The following LYRM4 variants were observed in gnomAD, a reference collection of about 807,000 sequenced individuals.
The protein encoded by LYRM4 is LYR motif containing 4.
In LYRM4, 9 loss-of-function variants were observed where a neutral mutation model predicts 11.7. The ratio of observed to expected loss-of-function variants is 0.77; its 90% CI spans 0.46 to 1.34. LYRM4 has a LOEUF of 1.34. LYRM4 is among the 40% of genes most tolerant of loss of function. LYRM4 has a pLI of 0.00. For missense variants in LYRM4, 133 were observed against 112.5 expected, an observed-to-expected ratio of 1.18 and a Z score of -0.82; for synonymous variants, 42 against 40.4, an observed-to-expected ratio of 1.04 and a Z score of -0.15.
intron 2 of LYRM4, among the ~76,000 whole-genome samples, chr6:5,214,220 A>G (rs1762136335): frequency 6.6e-6 from 1 of 152,022 alleles, no homozygotes; most frequent in Non-Finnish European, 1.5e-5. Context: ...GCGGAGAGAG[A>G]GAGAATCTGT....
intron 1 of LYRM4, among the ~76,000 whole-genome samples, chr6:5,234,229 T>G (rs994477475): frequency 1.3e-5 from 2 of 152,224 alleles, no homozygotes; most frequent in African/African-American, 4.8e-5. Flanking sequence ...CACTATTATT[T>G]AAATTATTTA....
intron 2 of LYRM4, among the ~76,000 whole-genome samples, chr6:5,151,872 T>C (rs909736725): frequency 6.6e-6 from 1 of 152,178 alleles, no homozygotes; most frequent in African/African-American, 2.4e-5. Context: ...AGATAAGTTT[T>C]TCCTTGTTCT....
At position 5,130,666 on chromosome 6, in the gene LYRM4, GA is replaced by G. The variant is rs576004012; in HGVS notation, c.208-21176del. ...AAGTGGTACACAGCAAGAGCACTCA[GA>G]GACTCGGGAAAAACAACTAGTCAGC... On this transcript the variant is annotated intron_variant, in intron 2 of 2. Transcript: ENST00000330636. 3.1e-4 allele frequency among the ~76,000 whole-genome samples: 47 copies of G among 152,290 alleles called. 1 individual carries two copies. The highest frequency in any genetic ancestry group is 2.8e-3 in the Admixed American group (43 of 15,294).
At chr6:5,111,393 C>T (rs888394217) in intron 2 of LYRM4, among the ~76,000 whole-genome samples, 10 of 152,204 alleles carry the variant, frequency 6.6e-5, no homozygotes, top group Non-Finnish European at 1.5e-4. Context: ...GAGTACTTGA[C>T]AGAGTTTACC....
At chr6:5,253,764 C>T (rs919140759) in intron 1 of LYRM4, among the ~76,000 whole-genome samples, 3 of 150,382 alleles carry the variant, frequency 2.0e-5, no homozygotes, top group Non-Finnish European at 4.4e-5. Context: ...GTTGACCATT[C>T]GATGGTCGTT....
At chr6:5,214,260 T>C (rs1219740514) in intron 2 of LYRM4, among the ~76,000 whole-genome samples, 1 of 151,844 alleles carries the variant, frequency 6.6e-6, no homozygotes, top group East Asian at 2.1e-4. Context: ...GGGGGGCCCC[T>C]ATGGGAAGGT....
chr6:5,163,506 T>A (rs995613470), intron 2 of LYRM4, among the ~76,000 whole-genome samples: 7 of 152,116 alleles, frequency 4.6e-5, no homozygotes, highest in Admixed American at 1.3e-4. Flanking sequence ...AACTTTTTTT[T>A]TTTTTTTTTA....
At chr6:5,091,168 G>A in the LYRM4 span, among the ~76,000 whole-genome samples, 1 of 152,194 alleles carries the variant, frequency 6.6e-6, no homozygotes, top group South Asian at 2.1e-4. Context: ...GGACCCGATG[G>A]ACTCCTGGAA....
chr6:5,174,549 TCTC>T (rs1230440857), intron 2 of LYRM4, among the ~76,000 whole-genome samples: 1 of 152,202 alleles, frequency 6.6e-6, no homozygotes, highest in Non-Finnish European at 1.5e-5. Flanking sequence ...GGACCTTTCT[TCTC>T]AGAGGAAGGA....
intron 1 of LYRM4, among the ~76,000 whole-genome samples, chr6:5,257,165 GC>G (rs1197844886): frequency 6.6e-6 from 1 of 152,110 alleles, no homozygotes; most frequent in Non-Finnish European, 1.5e-5. Context: ...CTGCCTGTGA[GC>G]TAAGGGTAAA....
chr6:5,227,724 G>A (rs1762974499), intron 1 of LYRM4, among the ~76,000 whole-genome samples: 1 of 152,116 alleles, frequency 6.6e-6, no homozygotes, highest in Admixed American at 6.5e-5. Flanking sequence ...GCAAAGACTT[G>A]GAACCAACCC....
chr6:5,183,457 G>T lies in LYRM4; in HGVS notation c.207+33161C>A, dbSNP rs369957576. ...AATGGTAACTGCTATTATTATTATA[G>T]CCATAATCATATACAGTATAGCAAA... On this transcript the variant is annotated intron_variant, in intron 2 of 2. Transcript: ENST00000330636. Among the ~76,000 whole-genome samples, 10 of 152,206 alleles carry T rather than the reference G, an allele frequency of 6.6e-5. No individual in the cohort carries two copies. In the East Asian group the frequency reaches 1.9e-3, roughly 29 times the overall value.
At chr6:5,114,239 C>A (rs1164127059) in intron 2 of LYRM4, among the ~76,000 whole-genome samples, 1 of 152,212 alleles carries the variant, frequency 6.6e-6, no homozygotes, top group Non-Finnish European at 1.5e-5. Context: ...GATATGGGAG[C>A]TACACGCTAA....
At chr6:5,128,539 T>C (rs1291189224) in intron 2 of LYRM4, among the ~76,000 whole-genome samples, 1 of 152,230 alleles carries the variant, frequency 6.6e-6, no homozygotes, top group African/African-American at 2.4e-5. Flanking sequence ...CTTTAACTTC[T>C]TCCTCTTCAG....
At chr6:5,078,494 C>T in the LYRM4 span, among the ~76,000 whole-genome samples, 2 of 152,158 alleles carry the variant, frequency 1.3e-5, no homozygotes, top group East Asian at 1.9e-4. Context: ...GTTTAGTACA[C>T]GGTGACCAGT....
In LYRM4 at chr6:5,173,158, T is replaced by C. The variant is rs1429553090; in HGVS notation, c.207+43460A>G. 2.0e-5 allele frequency among the ~76,000 whole-genome samples: 3 copies of C among 152,264 alleles called. No homozygotes were observed. The South Asian group carries it at 6.2e-4, about 31-fold the overall frequency. On this transcript the variant is annotated intron_variant, in intron 2 of 2. Coordinates refer to ENST00000330636, the MANE Select transcript of LYRM4 (RefSeq NM_020408.6). ...TGCAGACATGTAATAGAATATTTTA[T>C]GGCTGTTTTCAACCATCTGTCCTTC...
chr6:5,171,273 C>T lies in LYRM4; in HGVS notation c.207+45345G>A, dbSNP rs1455838881. On this transcript the variant is annotated intron_variant, in intron 2 of 2. Coordinates refer to ENST00000330636, the MANE Select transcript of LYRM4 (RefSeq NM_020408.6). The stretch of plus-strand genomic sequence containing the variant: ...AACCAAACCCCTAGTCATCCATCTA[C>T]GTTACATCCCTCTCCAGCTCCTACC... Among the ~76,000 whole-genome samples the T allele has an allele frequency of 6.6e-5, 10 of 152,284 alleles. No individual in the cohort carries two copies. The South Asian group carries it at 1.7e-3, about 25-fold the overall frequency.
intron 1 of LYRM4, 37 bp downstream of exon 1, chr6:5,260,590 ACCCCCGGTCCCCGGCCCCTGG>A: frequency 1.6e-6 from 2 of 1,270,492 alleles, no homozygotes; most frequent in Non-Finnish European, 2.2e-6. Flanking sequence ...GTCAGCCCGC[ACCCCCGGTCCCCGGCCCCTGG>A]CCCCCCGCCC....
intron 1 of LYRM4, among the ~76,000 whole-genome samples, chr6:5,246,731 C>T (rs1410875031): frequency 1.3e-5 from 2 of 151,980 alleles, no homozygotes; most frequent in Admixed American, 1.3e-4. Flanking sequence ...TGCCCAGTTC[C>T]AGCTTTGTTG....
Sources: gnomAD v4.1 joint callset for allele counts (sites outside exome capture counted in the v4.1 genomes callset) on GRCh38, gnomAD v4.1.1 for gene constraint, MANE v1.5 for transcripts, NCBI Gene and HGNC (gene_info 2026-07-23, HGNC 2026-07-21) for gene names.